CFAP299: variants seen among roughly 807,000 people sequenced by gnomAD.
CFAP299 encodes cilia- and flagella-associated protein 299.
Under a neutral mutation model 27.0 loss-of-function variants are expected in CFAP299, and 21 were observed. The observed-to-expected ratio is 0.78, with a 90% CI of 0.55 to 1.12. The LOEUF (loss-of-function observed/expected upper bound fraction) is 1.12, where lower values mean the gene tolerates loss of function less well. CFAP299 is among the 50% of genes most tolerant of loss of function. CFAP299 has a pLI of 0.00. For missense variants in CFAP299, 310 were observed against 276.6 expected (o/e 1.12, Z -0.86); for synonymous variants, 104 against 98.1 (o/e 1.06, Z -0.36).
chr4:80,760,163 AT>A (rs1725470891), intron 3 of CFAP299, among the ~76,000 whole-genome samples: 1 of 152,142 alleles, frequency 6.6e-6, no homozygotes, highest in South Asian at 2.1e-4. Flanking sequence ...GAATATTTGC[AT>A]TTTTAACTTA....
chr4:80,917,379 T>C (rs534729849), intron 4 of CFAP299, among the ~76,000 whole-genome samples: 2 of 152,188 alleles, frequency 1.3e-5, no homozygotes, highest in African/African-American at 4.8e-5. Context: ...ATGTCACTCT[T>C]ACATTACTAA....
chr4:80,915,615 T>C (rs561728832), intron 4 of CFAP299, among the ~76,000 whole-genome samples: 1 of 152,124 alleles, frequency 6.6e-6, no homozygotes, highest in South Asian at 2.1e-4. Flanking sequence ...TCTACCACTC[T>C]CCCAGATCCT....
chr4:80,871,514 T>A, intron 4 of CFAP299: 1 of 985,152 alleles, frequency 1.0e-6, no homozygotes, highest in Non-Finnish European at 1.2e-6. Flanking sequence ...CAAAATTAAA[T>A]TCATTTTAAT....
At chr4:80,491,617 C>T (rs555180890) in intron 2 of CFAP299, among the ~76,000 whole-genome samples, 2 of 151,786 alleles carry the variant, frequency 1.3e-5, no homozygotes, top group Admixed American at 6.6e-5. Context: ...GGACTAAACT[C>T]TGATTTTTTT....
At chr4:80,459,919 G>A (rs1315497831) in intron 2 of CFAP299, among the ~76,000 whole-genome samples, 1 of 152,108 alleles carries the variant, frequency 6.6e-6, no homozygotes, top group Non-Finnish European at 1.5e-5. Flanking sequence ...ACAAAAGGCA[G>A]GTTAATAGAA....
intron 2 of CFAP299, among the ~76,000 whole-genome samples, chr4:80,471,276 C>G (rs1240492290): frequency 1.3e-5 from 2 of 151,844 alleles, no homozygotes; most frequent in South Asian, 2.1e-4. Flanking sequence ...GAAATTAACT[C>G]CCCTCAAACA....
chr4:80,673,761 A>G (rs551963066), intron 3 of CFAP299, among the ~76,000 whole-genome samples: 9 of 151,260 alleles, frequency 6.0e-5, no homozygotes, highest in African/African-American at 2.2e-4. Context: ...TCCCTTTACC[A>G]TCATGTAATG....
rs144289313 is a variant in CFAP299 at position 80,877,824 on chromosome 4, T to C, written c.476+7689T>C. ...GTTCAAAGAATAGTACAATGAAGGC[T>C]AATATACTCACAACCTAGACAAAAC... On this transcript the variant is annotated intron_variant, in intron 4 of 5. Coordinates refer to ENST00000358105, the MANE Select transcript of CFAP299 (RefSeq NM_152770.3). Among the ~76,000 whole-genome samples the C allele has an allele frequency of 3.4e-3, 512 of 152,262 alleles. 1 individual carries two copies. Among genetic ancestry groups the C allele is most frequent in the African/African-American group, 0.012 (479 of 41,560 alleles).
chr4:80,398,085 C>G (rs1022624392), intron 2 of CFAP299, among the ~76,000 whole-genome samples: 12 of 152,116 alleles, frequency 7.9e-5, no homozygotes, highest in Admixed American at 6.6e-5. Context: ...CTCCCATTCA[C>G]AATTGCTTCA....
chr4:80,663,018 GA>G (rs562687634), intron 3 of CFAP299, among the ~76,000 whole-genome samples: 4,598 of 140,362 alleles, frequency 0.033, 107 homozygotes, highest in Non-Finnish European at 0.051. Flanking sequence ...GCTGTTAAAG[GA>G]AAAAAAAAAA....
At chr4:80,343,658 G>A (rs1348062979) in intron 1 of CFAP299, among the ~76,000 whole-genome samples, 5 of 151,726 alleles carry the variant, frequency 3.3e-5, no homozygotes, top group African/African-American at 4.8e-5. Flanking sequence ...GCGCGGTGGC[G>A]GGCGCCTGTA....
chr4:80,690,307 A>G, intron 3 of CFAP299, among the ~76,000 whole-genome samples: 1 of 151,566 alleles, frequency 6.6e-6, no homozygotes. Flanking sequence ...AGCTCTCCTC[A>G]GCAAATGTAA....
chr4:80,573,175 G>A (rs959494417), intron 2 of CFAP299, among the ~76,000 whole-genome samples: 1 of 152,120 alleles, frequency 6.6e-6, no homozygotes, highest in African/African-American at 2.4e-5. Context: ...TAACTGGAAT[G>A]AGATGATATC....
intron 3 of CFAP299, among the ~76,000 whole-genome samples, chr4:80,724,349 A>T (rs1351716123): frequency 6.6e-6 from 1 of 152,176 alleles, no homozygotes; most frequent in East Asian, 1.9e-4. Context: ...TTCAGTGTTT[A>T]TTAAAGTTAA....
intron 1 of CFAP299, among the ~76,000 whole-genome samples, chr4:80,340,764 C>T (rs929221260): frequency 6.6e-6 from 1 of 151,270 alleles, no homozygotes; most frequent in African/African-American, 2.5e-5. Context: ...GTGGCCATAA[C>T]ACTCCTTTAT....
At chr4:80,645,408 G>A (rs1476979741) in intron 3 of CFAP299, among the ~76,000 whole-genome samples, 1 of 152,014 alleles carries the variant, frequency 6.6e-6, no homozygotes. Context: ...TACCTCTTGA[G>A]GATGCTGGGA....
At chr4:80,572,183 T>G (rs566112503) in intron 2 of CFAP299, among the ~76,000 whole-genome samples, 1 of 152,258 alleles carries the variant, frequency 6.6e-6, no homozygotes, top group South Asian at 2.1e-4. Context: ...TAATGAACAT[T>G]CCGATTAAAC....
chr4:80,904,955 T>C (rs903652770), intron 4 of CFAP299, among the ~76,000 whole-genome samples: 4 of 152,152 alleles, frequency 2.6e-5, no homozygotes, highest in Non-Finnish European at 4.4e-5. Context: ...AGAATATGAA[T>C]AAAAAGTGGT....
Position 80,944,383 on chromosome 4 carries a change from C to T in CFAP299, c.477-427C>T, listed in dbSNP as rs1022107804. On this transcript the variant is annotated intron_variant, in intron 4 of 5. Coordinates refer to ENST00000358105, the MANE Select transcript of CFAP299 (RefSeq NM_152770.3). ...GAAACATATTATTGAGGAAAAAAAGCGGAGCCTGAAAGAAGTGAATTTATT... is the reference window on the plus strand; with the variant it reads ...GAAACATATTATTGAGGAAAAAAAGTGGAGCCTGAAAGAAGTGAATTTATT... Among the ~76,000 whole-genome samples the T allele has an allele frequency of 2.0e-5, 3 of 152,120 alleles. No individual in the cohort carries two copies. In the South Asian group the frequency reaches 6.2e-4, roughly 32 times the overall value.
Sources: gnomAD v4.1 joint callset for allele counts (sites outside exome capture counted in the v4.1 genomes callset) on GRCh38, gnomAD v4.1.1 for gene constraint, MANE v1.5 for transcripts, NCBI Gene and HGNC (gene_info 2026-07-23, HGNC 2026-07-21) for gene names.